The following FKBP1A variants were observed in gnomAD, a reference collection of about 807,000 sequenced individuals.
The protein encoded by FKBP1A is FKBP prolyl isomerase 1A.
FKBP1A carries 5 observed loss-of-function variants against 14.2 expected under a neutral mutation model. The ratio of observed to expected loss-of-function variants is 0.35; its 90% CI spans 0.18 to 0.74. The LOEUF (loss-of-function observed/expected upper bound fraction) is 0.74. Among genes scored for constraint, FKBP1A ranks in the 30% least tolerant of loss-of-function variants. The pLI is 0.56. For missense variants in FKBP1A, 53 were observed against 138.8 expected (o/e 0.38, Z 3.10); for synonymous variants, 42 against 49.1 (o/e 0.86, Z 0.60).
At position 1,369,981 on chromosome 20, in the gene FKBP1A, A is replaced by ATG; in HGVS notation, c.*126_*127dup. 4.5e-6 allele frequency: 7 copies of ATG among 1,542,306 alleles called. No individual in the cohort carries two copies. The highest frequency in any genetic ancestry group is 6.1e-6 in the Non-Finnish European group (7 of 1,141,848). On this transcript the variant is annotated 3_prime_UTR_variant, in exon 5 of 5. Coordinates refer to ENST00000400137, the MANE Select transcript of FKBP1A (RefSeq NM_000801.5). ...GACAGAACACATTCAGTCAGGGCAG[A>ATG]TGTCTATACAAAGTGGAGTGGAACA...
At chr20:1,390,631 C>A (rs1447555421) in intron 2 of FKBP1A, among the ~76,000 whole-genome samples, 1 of 152,158 alleles carries the variant, frequency 6.6e-6, no homozygotes, top group Non-Finnish European at 1.5e-5. Flanking sequence ...AAGATGGATT[C>A]TGTTCCCAGT....
At chr20:1,384,917 A>T (rs1230829474) in intron 2 of FKBP1A, among the ~76,000 whole-genome samples, 9 of 152,238 alleles carry the variant, frequency 5.9e-5, no homozygotes, top group African/African-American at 2.2e-4. Flanking sequence ...TCCTATAACC[A>T]AAAGTGTATT....
chr20:1,371,285 G>T (rs1303742225), intron 4 of FKBP1A: 1 of 843,518 alleles, frequency 1.2e-6, no homozygotes, highest in African/African-American at 1.8e-5. Context: ...CCTAAGAAAT[G>T]AGGGTGGAAG....
chr20:1,377,736 C>A (rs560701575), intron 2 of FKBP1A: 20 of 152,288 alleles, frequency 1.3e-4, no homozygotes, highest in African/African-American at 4.8e-4. Context: ...AGGCAGGGAG[C>A]CTTTCCATCC....
intron 2 of FKBP1A, among the ~76,000 whole-genome samples, chr20:1,392,039 A>T (rs2089743962): frequency 1.3e-5 from 2 of 152,224 alleles, no homozygotes; most frequent in South Asian, 4.1e-4. Flanking sequence ...GGAGGTGTCT[A>T]AAATTTCCTT....
intron 3 of FKBP1A, among the ~76,000 whole-genome samples, chr20:1,374,995 C>T (rs1398101292): frequency 6.6e-6 from 1 of 152,176 alleles, no homozygotes; most frequent in East Asian, 1.9e-4. Flanking sequence ...TGCCACCACG[C>T]CCGGCTAATT....
chr20:1,380,262 G>A (rs1186160242), intron 2 of FKBP1A, among the ~76,000 whole-genome samples: 1 of 152,070 alleles, frequency 6.6e-6, no homozygotes, highest in Non-Finnish European at 1.5e-5. Context: ...GGAGCTCAAG[G>A]CACCTAGAGT....
intron 2 of FKBP1A, among the ~76,000 whole-genome samples, chr20:1,380,437 T>C (rs2089604649): frequency 6.6e-6 from 1 of 152,138 alleles, no homozygotes; most frequent in African/African-American, 2.4e-5. Context: ...CAGTATCCAG[T>C]GCTCACACAG....
At chr20:1,370,228 A>G in intron 4 of FKBP1A, 156 bp from the exon 5 acceptor site, 1 of 985,470 alleles carries the variant, frequency 1.0e-6, no homozygotes. Context: ...GACAGCCAGA[A>G]AGACTTGGGC....
Position 1,369,846 on chromosome 20 carries a change from GAA to G in FKBP1A, c.*261_*262del. 1.7e-6 allele frequency: 1 copy of G among 598,442 alleles called. No individual in the cohort carries two copies. The highest frequency in any genetic ancestry group is 2.8e-6 in the Non-Finnish European group (1 of 361,836). The allele number at this position is 598,442 out of a possible 1,614,324, so 37.1% of individuals were successfully genotyped here. ...TGAAACTGAATCTTCACCCCAAAAT[GAA>G]AACAAAATAAAATGAATAACTTGAG... On this transcript the variant is annotated 3_prime_UTR_variant, in exon 5 of 5. Transcript: ENST00000400137.
chr20:1,371,643 A>C (rs1165502428), intron 4 of FKBP1A: 1 of 848,920 alleles, frequency 1.2e-6, no homozygotes, highest in African/African-American at 1.8e-5. Flanking sequence ...CGCAGAAGCT[A>C]GGACATGATA....
At position 1,369,987 on chromosome 20, in the gene FKBP1A, A is replaced by G. The variant is rs2089441093; in HGVS notation, c.*122T>C. ...ACACATTCAGTCAGGGCAGATGTCT[A>G]TACAAAGTGGAGTGGAACATCAGGA... On this transcript the variant is annotated 3_prime_UTR_variant, in exon 5 of 5. Transcript: ENST00000400137. The G allele has an allele frequency of 1.3e-6, 2 of 1,546,940 alleles. No homozygotes were observed. Among genetic ancestry groups the G allele is most frequent in the Non-Finnish European group, 1.7e-6 (2 of 1,144,868 alleles).
At chr20:1,385,933 C>T (rs1198212704) in intron 2 of FKBP1A, among the ~76,000 whole-genome samples, 1 of 152,208 alleles carries the variant, frequency 6.6e-6, no homozygotes, top group Non-Finnish European at 1.5e-5. Context: ...AAAACCTCAA[C>T]CTTTTCCTAT....
At chr20:1,383,591 C>T (rs988567481) in intron 2 of FKBP1A, among the ~76,000 whole-genome samples, 1 of 150,890 alleles carries the variant, frequency 6.6e-6, no homozygotes, top group African/African-American at 2.4e-5. Context: ...AGGAGAATCA[C>T]TTGAGGCCAG....
rs1315065158 is a variant in FKBP1A at position 1,379,536 on chromosome 20, A to T, written c.86-3933T>A. Among the ~76,000 whole-genome samples, 2 of 152,220 alleles carry T rather than the reference A, an allele frequency of 1.3e-5. No individual in the cohort carries two copies. Among genetic ancestry groups the T allele is most frequent in the African/African-American group, 4.8e-5 (2 of 41,456 alleles). On this transcript the variant is annotated intron_variant, in intron 2 of 4. Transcript: ENST00000400137. The surrounding 1 kb of genome is among the most constrained non-coding windows in gnomAD (Gnocchi z 4.3). ...GGATTTCTAAGTAAAGGAGCTTTAA[A>T]CAGGACCTTTGCCTAGGATCTTAAT...
chr20:1,387,100 C>A (rs959721287), intron 2 of FKBP1A, among the ~76,000 whole-genome samples: 34 of 151,908 alleles, frequency 2.2e-4, no homozygotes, highest in African/African-American at 8.0e-4. Flanking sequence ...TTTATGGATA[C>A]AATAAACCCC....
At chr20:1,371,993 T>C in intron 4 of FKBP1A, 83 bp downstream of exon 4, 1 of 1,513,668 alleles carries the variant, frequency 6.6e-7, no homozygotes, top group Non-Finnish European at 8.8e-7. Context: ...TGTTTTTTGT[T>C]CTCTCTGCTA....
At chr20:1,385,710 C>T (rs1174973020) in intron 2 of FKBP1A, among the ~76,000 whole-genome samples, 1 of 152,196 alleles carries the variant, frequency 6.6e-6, no homozygotes, top group Admixed American at 6.5e-5. Context: ...TCTGACTTCA[C>T]CTCTGATTAC....
chr20:1,391,778 G>A (rs981994428), intron 2 of FKBP1A: 4 of 391,722 alleles, frequency 1.0e-5, no homozygotes, highest in Non-Finnish European at 1.8e-5. Flanking sequence ...GAGGGAGGAG[G>A]AGGGGGAACA....
Sources: allele counts gnomAD v4.1 joint callset (sites outside exome capture counted in the v4.1 genomes callset), GRCh38; gene constraint gnomAD v4.1.1; non-coding constraint Gnocchi (gnomAD v3.1); transcripts MANE v1.5; gene names NCBI Gene and HGNC (gene_info 2026-07-23, HGNC 2026-07-21).